The following SGCD variants were observed in gnomAD, a reference collection of about 807,000 sequenced individuals.
SGCD encodes sarcoglycan delta, also known as delta-sarcoglycan.
In SGCD, 18 loss-of-function variants were observed where a neutral mutation model predicts 36.6. The observed-to-expected ratio is 0.49, with a 90% CI of 0.34 to 0.73. SGCD has a LOEUF of 0.73. SGCD is among the 30% of genes least tolerant of loss of function. SGCD has a pLI of 0.01. For synonymous variants in SGCD, 133 were observed against 130.6 expected, an observed-to-expected ratio of 1.02 and a Z score of -0.12; for missense variants, 387 against 346.7, an observed-to-expected ratio of 1.12 and a Z score of -0.92.
chr5:156,287,711 A>C (rs953456892), intron 3 of SGCD, among the ~76,000 whole-genome samples: 1 of 151,906 alleles, frequency 6.6e-6, no homozygotes, highest in Non-Finnish European at 1.5e-5. Context: ...ATTCATCGAT[A>C]CACATACTCT....
chr5:156,544,823 C>T (rs2113166196), intron 4 of SGCD, among the ~76,000 whole-genome samples: 1 of 152,224 alleles, frequency 6.6e-6, no homozygotes, highest in Non-Finnish European at 1.5e-5. Flanking sequence ...TATATTGTCA[C>T]CCTTATCTTA....
At chr5:155,827,025 G>T in the SGCD span, among the ~76,000 whole-genome samples, 17 of 152,160 alleles carry the variant, frequency 1.1e-4, no homozygotes, top group Non-Finnish European at 2.2e-4. Context: ...TATGTAAGAA[G>T]AAATTTAAAG....
chr5:156,112,936 C>A lies in SGCD; in HGVS notation c.-281-4942C>A, dbSNP rs140197818. Among the ~76,000 whole-genome samples, 263 of 152,240 alleles carry A rather than the reference C, an allele frequency of 1.7e-3. 1 individual carries two copies. Among genetic ancestry groups the A allele is most frequent in the Non-Finnish European group, 2.3e-3 (154 of 68,014 alleles). On this transcript the variant is annotated intron_variant, in intron 1 of 9. Coordinates refer to the SGCD transcript ENST00000517913. ...AATATGCTTCAAAATCTAATTTAAT[C>A]TTTCTGGTTTCTAATGTGATTTCAA...
At chr5:156,757,734 G>T in intron 8 of SGCD, 30 bp downstream of exon 8, 1 of 1,591,350 alleles carries the variant, frequency 6.3e-7, no homozygotes. Context: ...GAAGTTCAAA[G>T]AGCTACAGCT....
chr5:156,534,914 A>G (rs1162970357), intron 4 of SGCD, among the ~76,000 whole-genome samples: 1 of 152,222 alleles, frequency 6.6e-6, no homozygotes, highest in Admixed American at 6.5e-5. Flanking sequence ...GAAAAGTATC[A>G]ATGGATTGGT....
rs182045372 is a variant in SGCD, at chr5:156,315,560, T to C, written c.-43-13974T>C. ...TCTCTTCAAGATAGTGATTTTTCCT[T>C]TGGATGTATACACACAAGTGAGTTT... On this transcript the variant is annotated intron_variant, in intron 3 of 9. Coordinates refer to the SGCD transcript ENST00000517913. Among the ~76,000 whole-genome samples the C allele has an allele frequency of 2.6e-5, 4 of 152,110 alleles. No individual in the cohort carries two copies. In the East Asian group the frequency reaches 7.7e-4, roughly 29 times the overall value.
At chr5:156,176,055 G>A (rs948898932) in intron 3 of SGCD, among the ~76,000 whole-genome samples, 2 of 151,888 alleles carry the variant, frequency 1.3e-5, no homozygotes, top group Non-Finnish European at 2.9e-5. Context: ...AGTTGCTTGC[G>A]ATTTTCAAAG....
chr5:155,929,392 CT>C (rs1449949415), intron 1 of SGCD, among the ~76,000 whole-genome samples: 1 of 152,106 alleles, frequency 6.6e-6, no homozygotes, highest in East Asian at 1.9e-4. Flanking sequence ...AAGATTCTTT[CT>C]TTCTATATCT....
At chr5:156,732,068 ATAGAGT>A (rs1201167718) in intron 7 of SGCD, among the ~76,000 whole-genome samples, 4 of 152,258 alleles carry the variant, frequency 2.6e-5, no homozygotes, top group African/African-American at 9.6e-5. Flanking sequence ...TTTTCTAGCT[ATAGAGT>A]CATGTCATTT....
chr5:156,513,914 CA>C (rs1174452046), intron 4 of SGCD, among the ~76,000 whole-genome samples: 5 of 152,162 alleles, frequency 3.3e-5, no homozygotes, highest in Non-Finnish European at 2.9e-5. Flanking sequence ...GAGAAGGATA[CA>C]TGCTAAATTA....
chr5:155,852,404 T>C, the SGCD span, among the ~76,000 whole-genome samples: 2 of 152,310 alleles, frequency 1.3e-5, no homozygotes, highest in East Asian at 3.9e-4. Context: ...TTTGACAAAT[T>C]GAAAACATGT....
At chr5:155,810,712 A>G in the SGCD span, among the ~76,000 whole-genome samples, 1 of 150,392 alleles carries the variant, frequency 6.6e-6, no homozygotes, top group African/African-American at 2.4e-5. Flanking sequence ...AGTTAAGAGT[A>G]AATAAAAATG....
intron 3 of SGCD, among the ~76,000 whole-genome samples, chr5:156,209,921 T>G (rs1289276424): frequency 6.6e-6 from 1 of 152,166 alleles, no homozygotes; most frequent in Non-Finnish European, 1.5e-5. Context: ...TATTGGGCAG[T>G]GCACAATGGG....
At chr5:155,798,665 CTTTG>C in the SGCD span, among the ~76,000 whole-genome samples, 1 of 152,216 alleles carries the variant, frequency 6.6e-6, no homozygotes, top group East Asian at 1.9e-4. Context: ...TGATCTCATC[CTTTG>C]TTTGCGGGAG....
At chr5:156,371,099 A>C (rs1307161962) in intron 3 of SGCD, among the ~76,000 whole-genome samples, 1 of 152,182 alleles carries the variant, frequency 6.6e-6, no homozygotes, top group Non-Finnish European at 1.5e-5. Context: ...ACTTGCAACT[A>C]CAAATGTATT....
chr5:155,848,319 A>G, the SGCD span, among the ~76,000 whole-genome samples: 15 of 152,098 alleles, frequency 9.9e-5, no homozygotes, highest in Non-Finnish European at 2.9e-5. Flanking sequence ...AAAACAAAGA[A>G]TCTGGCTTCT....
chr5:156,148,730 G>C (rs184838219), intron 3 of SGCD, among the ~76,000 whole-genome samples: 52 of 152,164 alleles, frequency 3.4e-4, no homozygotes, highest in Non-Finnish European at 2.9e-5. Flanking sequence ...AAATTACAAG[G>C]TTTTTTCTAG....
At chr5:156,185,851 A>ATATATATACATATATATATACATATATAT (rs1429326442) in intron 3 of SGCD, among the ~76,000 whole-genome samples, 1 of 2,566 alleles carries the variant, frequency 3.9e-4, no homozygotes, top group African/African-American at 5.1e-4. Flanking sequence ...ATATATATAT[A>ATATATATACATATATATATACATATATAT]GAGAGAGAGA....
chr5:156,432,372 G>A (rs1753059359), intron 3 of SGCD, among the ~76,000 whole-genome samples: 1 of 152,222 alleles, frequency 6.6e-6, no homozygotes, highest in African/African-American at 2.4e-5. Context: ...ATGGGTTGCT[G>A]TAAAGGCCTG....
Sources: gnomAD v4.1 joint callset for allele counts (sites outside exome capture counted in the v4.1 genomes callset) on GRCh38, gnomAD v4.1.1 for gene constraint, MANE v1.5 for transcripts, NCBI Gene and HGNC (gene_info 2026-07-23, HGNC 2026-07-21) for gene names.